Variants in DIAPH2 observed in about 807,000 individuals in gnomAD.
DIAPH2 encodes the protein diaphanous related formin 2.
A neutral mutation model predicts 92.7 loss-of-function variants in DIAPH2; 35 were observed. The ratio of observed to expected loss-of-function variants is 0.38; its 90% CI spans 0.29 to 0.50. DIAPH2 has a LOEUF of 0.50. Among genes scored for constraint, DIAPH2 ranks in the 20% least tolerant of loss-of-function variants. The pLI is 0.94. For synonymous variants in DIAPH2, 301 were observed against 280.4 expected (o/e 1.07, Z -0.73); for missense variants, 701 against 819.5 (o/e 0.86, Z 1.77).
chrX:97,211,849 C>G (rs1819806363), intron 22 of DIAPH2, among the ~76,000 whole-genome samples: 1 of 111,869 alleles, frequency 8.9e-6, no homozygotes, highest in South Asian at 3.7e-4. Context: ...AAGGTTCTCA[C>G]TTTGTTAACT....
At chrX:97,249,621 C>G (rs1011770945) in intron 23 of DIAPH2, among the ~76,000 whole-genome samples, 2 of 111,891 alleles carry the variant, frequency 1.8e-5, no homozygotes, top group African/African-American at 6.5e-5. Flanking sequence ...AGTTATTCTT[C>G]CTTTGAAAGA....
At chrX:97,230,835 C>G (rs758922656) in intron 22 of DIAPH2, among the ~76,000 whole-genome samples, 7 of 112,462 alleles carry the variant, frequency 6.2e-5, no homozygotes, top group Middle Eastern at 9.3e-3. Flanking sequence ...GTGTGAGCCA[C>G]CAAGCCTGGC....
intron 3 of DIAPH2, among the ~76,000 whole-genome samples, chrX:96,743,024 C>T (rs906491980): frequency 5.4e-5 from 6 of 112,065 alleles, no homozygotes; most frequent in Non-Finnish European, 1.1e-4. Flanking sequence ...TTTTAAACTT[C>T]GTACATTTCT....
At chrX:97,266,762 T>A (rs916141479) in intron 23 of DIAPH2, among the ~76,000 whole-genome samples, 1 of 112,259 alleles carries the variant, frequency 8.9e-6, no homozygotes, top group African/African-American at 3.2e-5. Context: ...TTTTATTTTT[T>A]ACTGTGGGTA....
chrX:96,770,249 A>T (rs1176131106), intron 4 of DIAPH2, among the ~76,000 whole-genome samples: 1 of 111,177 alleles, frequency 9.0e-6, no homozygotes, highest in Non-Finnish European at 1.9e-5. Context: ...TAATAAATTT[A>T]GTGTTATCTA....
chrX:97,349,052 TTA>T lies in DIAPH2; in HGVS notation c.3009+778_3009+779del, dbSNP rs747369914. 2.0e-4 allele frequency among the ~76,000 whole-genome samples: 20 copies of T among 101,236 alleles called. 1 individual carries two copies. The highest frequency in any genetic ancestry group is 5.0e-3 in the Middle Eastern group (1 of 201). The allele number at this position is 101,236 out of a possible 115,157, so 87.9% of individuals were successfully genotyped here. On this transcript the variant is annotated intron_variant, in intron 24 of 26. Coordinates refer to ENST00000324765, the MANE Select transcript of DIAPH2 (RefSeq NM_006729.5). ...TATATGTGTGTATATATATGTGTAT[TTA>T]TATATGTGTGTGTATATATATATAT...
chrX:96,723,620 C>T (rs930785404), intron 1 of DIAPH2, among the ~76,000 whole-genome samples: 5 of 111,754 alleles, frequency 4.5e-5, no homozygotes, highest in Non-Finnish European at 9.4e-5. Flanking sequence ...AGCTGATTTG[C>T]GAATTCAACC....
At chrX:97,070,961 G>A (rs1218182603) in intron 17 of DIAPH2, among the ~76,000 whole-genome samples, 1 of 111,625 alleles carries the variant, frequency 9.0e-6, no homozygotes, top group Non-Finnish European at 1.9e-5. Flanking sequence ...CTGTTAGTTT[G>A]CAGAACCATC....
Position 96,685,044 on chromosome X carries a change from C to A in DIAPH2, c.-15C>A, listed in dbSNP as rs1602424045. The A allele has an allele frequency of 9.1e-6, 9 of 991,542 alleles. No homozygotes were observed. The East Asian group carries it at 3.3e-4, about 36-fold the overall frequency. The allele number at this position is 991,542 out of a possible 1,213,427, so 81.7% of individuals were successfully genotyped here. On this transcript the variant is annotated 5_prime_UTR_variant, in exon 1 of 27. Transcript: ENST00000324765. Reference sequence around the variant, plus strand: ...AGGTGGGGTTACAGGGCACAGGTGACAGGGCCGGAGAAAGATGGAGCAGCC... The same window carrying A: ...AGGTGGGGTTACAGGGCACAGGTGAAAGGGCCGGAGAAAGATGGAGCAGCC...
At chrX:97,392,823 A>G (rs1381600329) in intron 25 of DIAPH2, among the ~76,000 whole-genome samples, 2 of 112,084 alleles carry the variant, frequency 1.8e-5, no homozygotes, top group African/African-American at 6.5e-5. Context: ...CTGTAAAACC[A>G]GAGACTGGTG....
chrX:97,478,567 A>G (rs770609030), intron 26 of DIAPH2, among the ~76,000 whole-genome samples: 61 of 112,178 alleles, frequency 5.4e-4, no homozygotes, highest in Non-Finnish European at 1.1e-3. Flanking sequence ...TTTTGAATAA[A>G]TTGGTAGAAA....
chrX:96,892,540 T>C (rs1317601701), intron 5 of DIAPH2, among the ~76,000 whole-genome samples: 1 of 111,942 alleles, frequency 8.9e-6, no homozygotes, highest in Non-Finnish European at 1.9e-5. Flanking sequence ...GTTGATACCA[T>C]ATATATTAAG....
intron 23 of DIAPH2, among the ~76,000 whole-genome samples, chrX:97,279,364 G>A (rs1292066695): frequency 2.9e-5 from 3 of 103,548 alleles, no homozygotes; most frequent in South Asian, 4.6e-4. Context: ...GTGCAGTGGC[G>A]CAATCTCGGC....
chrX:97,054,434 T>G (rs1019207565), intron 17 of DIAPH2, among the ~76,000 whole-genome samples: 1 of 111,297 alleles, frequency 9.0e-6, no homozygotes, highest in African/African-American at 3.3e-5. Context: ...GATAGTGCAG[T>G]ATATTAAGTG....
intron 26 of DIAPH2, among the ~76,000 whole-genome samples, chrX:97,445,437 A>G (rs1267385250): frequency 9.5e-6 from 1 of 105,658 alleles, no homozygotes; most frequent in Non-Finnish European, 1.9e-5. Flanking sequence ...CTTTTTTGAG[A>G]AGGAGTCTCG....
chrX:96,956,566 C>T (rs189168166), intron 15 of DIAPH2, among the ~76,000 whole-genome samples: 67 of 111,818 alleles, frequency 6.0e-4, no homozygotes, highest in Non-Finnish European at 1.1e-3. Flanking sequence ...TCCTCTTGAA[C>T]GCTTTGCCAC....
In DIAPH2 at chrX:97,297,929, T is replaced by G. The variant is rs143562137; in HGVS notation, c.2844+50090T>G. ...GGGGATACCATGGTGTTAAGATTGA[T>G]GTAAGAATTAATGTGTTTACCAGTC... On this transcript the variant is annotated intron_variant, in intron 23 of 26. Transcript: ENST00000324765. 6.9e-3 allele frequency among the ~76,000 whole-genome samples: 763 copies of G among 110,434 alleles called. 9 individuals are homozygous for G. Among genetic ancestry groups the G allele is most frequent in the African/African-American group, 0.024 (735 of 30,434 alleles).
At chrX:96,693,537 G>A (rs1431921641) in intron 1 of DIAPH2, among the ~76,000 whole-genome samples, 2 of 112,002 alleles carry the variant, frequency 1.8e-5, no homozygotes, top group East Asian at 2.8e-4. Flanking sequence ...TAATGTATAC[G>A]TATAACAGAG....
intron 16 of DIAPH2, among the ~76,000 whole-genome samples, chrX:96,959,710 G>A (rs1602664715): frequency 9.0e-6 from 1 of 111,471 alleles, no homozygotes; most frequent in South Asian, 3.8e-4. Flanking sequence ...GTGTCCTGGA[G>A]CATTTGTCTT....
Sources: gnomAD v4.1 joint callset for allele counts (sites outside exome capture counted in the v4.1 genomes callset) on GRCh38, gnomAD v4.1.1 for gene constraint, MANE v1.5 for transcripts, NCBI Gene and HGNC (gene_info 2026-07-23, HGNC 2026-07-21) for gene names.